The following RAB8A variants were observed in gnomAD, a reference collection of about 807,000 sequenced individuals.
The protein encoded by RAB8A is ras-related protein Rab-8A.
A neutral mutation model predicts 29.2 loss-of-function variants in RAB8A; 5 were observed. That is an observed-to-expected ratio of 0.17 (90% CI 0.09 to 0.36). RAB8A has a LOEUF of 0.36. Among genes scored for constraint, RAB8A ranks in the 10% least tolerant of loss-of-function variants. The pLI is 1.00. For synonymous variants in RAB8A, 108 were observed against 99.9 expected, an observed-to-expected ratio of 1.08 and a Z score of -0.49; for missense variants, 171 against 272.2, an observed-to-expected ratio of 0.63 and a Z score of 2.62.
intron 3 of RAB8A, among the ~76,000 whole-genome samples, chr19:16,123,322 A>C (rs947739661): frequency 1.3e-5 from 2 of 152,202 alleles, no homozygotes; most frequent in African/African-American, 4.8e-5. Flanking sequence ...AACATTGAAA[A>C]TCCAGCCAGG....
At chr19:16,129,942 C>T (rs1205928245) in intron 7 of RAB8A, among the ~76,000 whole-genome samples, 1 of 152,100 alleles carries the variant, frequency 6.6e-6, no homozygotes, top group African/African-American at 2.4e-5. Context: ...CTTCCTAGGT[C>T]GCTTGGGCAG....
intron 1 of RAB8A, among the ~76,000 whole-genome samples, chr19:16,117,831 A>G (rs1051948982): frequency 5.9e-5 from 9 of 152,134 alleles, no homozygotes; most frequent in Non-Finnish European, 1.3e-4. Flanking sequence ...GCATTGACGC[A>G]TGGTGGGGCC....
chr19:16,127,916 C>G lies in RAB8A; in HGVS notation c.415-110C>G. 9.1e-7 allele frequency: 1 copy of G among 1,093,220 alleles called. No homozygotes were observed. The highest frequency in any genetic ancestry group is 1.8e-5 in the Admixed American group (1 of 56,336). 67.7% of individuals were successfully genotyped at this position (1,093,220 alleles called of 1,614,324 possible). A position where few individuals can be genotyped will look rare whatever the true frequency, so the allele number is the denominator to read the frequency against. The stretch of plus-strand genomic sequence containing the variant: ...AGGAAGTCACGCCCACAGCCCCAGC[C>G]CTGTTGCTGCTCCCTCTTGGCGCCG... On this transcript the variant is annotated intron_variant, in intron 5 of 7. Transcript: ENST00000300935. The surrounding 1 kb of genome is among the most constrained non-coding windows in gnomAD (Gnocchi z 4.8).
chr19:16,129,190 G>A (rs61630159), intron 6 of RAB8A, among the ~76,000 whole-genome samples: 24,166 of 152,190 alleles, frequency 0.16, 2,064 homozygotes, highest in Non-Finnish European at 0.19. Context: ...GTTAACTGCT[G>A]GGTTCCTTTG....
intron 7 of RAB8A, among the ~76,000 whole-genome samples, chr19:16,130,466 G>A (rs1184453335): frequency 2.0e-5 from 3 of 152,192 alleles, no homozygotes; most frequent in African/African-American, 7.2e-5. Flanking sequence ...ATTCTAAGAT[G>A]CGGTGTGTTG....
intron 6 of RAB8A, among the ~76,000 whole-genome samples, chr19:16,128,363 G>A (rs557170913): frequency 2.0e-5 from 3 of 152,168 alleles, no homozygotes; most frequent in African/African-American, 7.2e-5. Flanking sequence ...GAATAGGCAC[G>A]GTTTTACAGG....
chr19:16,120,152 G>C (rs1456947458), intron 2 of RAB8A, among the ~76,000 whole-genome samples: 1 of 151,940 alleles, frequency 6.6e-6, no homozygotes, highest in Non-Finnish European at 1.5e-5. Flanking sequence ...CCTGCTGCTG[G>C]TGTCAGAAAG....
Position 16,132,383 on chromosome 19 carries a change from C to A in RAB8A, c.*79C>A. 2 of 1,441,438 alleles carry A rather than the reference C, an allele frequency of 1.4e-6. No individual in the cohort carries two copies. Among genetic ancestry groups the A allele is most frequent in the Non-Finnish European group, 1.9e-6 (2 of 1,046,690 alleles). 89.3% of individuals were successfully genotyped at this position (1,441,438 alleles called of 1,614,324 possible). A position where few individuals can be genotyped will look rare whatever the true frequency, so the allele number is the denominator to read the frequency against. ...GAGTGAGCCCCTCACTCAGCCGGGG[C>A]CCTCCCACCTCCAACGCCCCGCCCA... is the stretch of plus-strand genomic sequence containing the variant. On this transcript the variant is annotated 3_prime_UTR_variant, in exon 8 of 8. Coordinates refer to ENST00000300935, the MANE Select transcript of RAB8A (RefSeq NM_005370.5). The surrounding 1 kb of genome is among the most constrained non-coding windows in gnomAD (Gnocchi z 5.6).
intron 1 of RAB8A, among the ~76,000 whole-genome samples, chr19:16,115,574 G>A (rs2090842760): frequency 1.3e-5 from 2 of 152,150 alleles, no homozygotes; most frequent in Non-Finnish European, 2.9e-5. Flanking sequence ...AAAGTGCTTT[G>A]TGAACCGCTC....
At chr19:16,129,705 G>A in intron 7 of RAB8A, 101 bp downstream of exon 7, 2 of 1,179,530 alleles carry the variant, frequency 1.7e-6, no homozygotes, top group Non-Finnish European at 2.5e-6. Flanking sequence ...GCTTTTTAGG[G>A]CCCAGCCAGA....
At position 16,122,394 on chromosome 19, in the gene RAB8A, C is replaced by T. The variant is rs551708773; in HGVS notation, c.246+584C>T. On this transcript the variant is annotated intron_variant, in intron 3 of 7. Coordinates refer to ENST00000300935, the MANE Select transcript of RAB8A (RefSeq NM_005370.5). The surrounding 1 kb of genome is among the most constrained non-coding windows in gnomAD (Gnocchi z 4.7). ...GGGGCCCTGTGTGTACATGGCAGGG[C>T]ATTCAGGGGTAGAGGGAGCAGGAGG... Among the ~76,000 whole-genome samples the T allele has an allele frequency of 3.9e-5, 6 of 152,294 alleles. No individual in the cohort carries two copies. Among genetic ancestry groups the T allele is most frequent in the East Asian group, 1.9e-4 (1 of 5,188 alleles).
rs371633295 is a variant in RAB8A at position 16,132,192 on chromosome 19, A to C, written c.532-20A>C. 1,305 of 1,587,806 alleles carry C rather than the reference A, an allele frequency of 8.2e-4. 21 individuals carry two copies. The South Asian group carries it at 0.014, about 17-fold the overall frequency. ...TGCTGATTCTCAGTGATAACCTCAG[A>C]AAACCTCTTGTGATTTCAGGAAGGC... On this transcript the variant is annotated intron_variant, in intron 7 of 7. Coordinates refer to ENST00000300935, the MANE Select transcript of RAB8A (RefSeq NM_005370.5). This position sits in a 1 kb window ranked among gnomAD's most constrained non-coding sequence, Gnocchi z 5.6.
At chr19:16,129,631 C>T (rs753620769) in intron 7 of RAB8A, 27 bp downstream of exon 7, 20 of 1,610,846 alleles carry the variant, frequency 1.2e-5, no homozygotes, top group East Asian at 2.2e-5. Context: ...CCGAGATCCC[C>T]GGGTGGATCT....
At position 16,121,759 on chromosome 19, in the gene RAB8A, C is replaced by G. The variant is rs149024078; in HGVS notation, c.195C>G (p.Ala65=). 1 of 1,613,846 alleles carries G rather than the reference C, an allele frequency of 6.2e-7. No individual in the cohort carries two copies. Among genetic ancestry groups the G allele is most frequent in the East Asian group, 2.2e-5 (1 of 44,888 alleles). Residue 65 remains alanine, a synonymous_variant, in exon 3 of 8, where the codon GCC becomes GCG. Coordinates refer to ENST00000300935, the MANE Select transcript of RAB8A (RefSeq NM_005370.5). ...KRIKLQIWDT[A]GQERFRTITT... The stretch of plus-strand genomic sequence containing the variant: ...TTCTCTTCATGTTTAGGGACACAGC[C>G]GGTCAGGAACGGTTTCGGACGATCA...
chr19:16,125,196 C>T lies in RAB8A; in HGVS notation c.247-274C>T, dbSNP rs115691500. The T allele has an allele frequency of 8.7e-4, 464 of 531,130 alleles. 1 individual carries two copies. Among genetic ancestry groups the T allele is most frequent in the African/African-American group, 8.2e-3 (430 of 52,616 alleles). The allele number at this position is 531,130 out of a possible 1,614,324, so 32.9% of individuals were successfully genotyped here. The stretch of plus-strand genomic sequence containing the variant: ...AGCCAGCCGGGCTTGTCAGCGAGTG[C>T]GTGGCAGGGGCTGGCCTGTGAGGCA... On this transcript the variant is annotated intron_variant, in intron 3 of 7. Transcript: ENST00000300935. The surrounding 1 kb of genome is among the most constrained non-coding windows in gnomAD (Gnocchi z 5.0).
At chr19:16,121,423 C>T (rs2090874983) in intron 2 of RAB8A, among the ~76,000 whole-genome samples, 2 of 152,144 alleles carry the variant, frequency 1.3e-5, no homozygotes, top group Non-Finnish European at 2.9e-5. Flanking sequence ...CCCTCAACAG[C>T]AAGAGCTATG....
intron 2 of RAB8A, 58 bp downstream of exon 2, chr19:16,118,344 C>T (rs892918334): frequency 6.6e-7 from 1 of 1,509,812 alleles, no homozygotes; most frequent in Non-Finnish European, 9.2e-7. Flanking sequence ...AAGCCAGAAG[C>T]CCTTGGCCTT....
intron 1 of RAB8A, chr19:16,112,655 G>C (rs974121678): frequency 6.4e-6 from 1 of 155,272 alleles, no homozygotes; most frequent in Non-Finnish European, 1.4e-5. Context: ...CTCTCCTAGA[G>C]AGATGCCACT....
At position 16,122,078 on chromosome 19, in the gene RAB8A, C is replaced by T. The variant is rs1036894777; in HGVS notation, c.246+268C>T. ...GGGAATGAAGAAAGACACAGGAAGC[C>T]GGTTCTTCCAGGTGAGCTCAGTGCA... On this transcript the variant is annotated intron_variant, in intron 3 of 7. Transcript: ENST00000300935. The surrounding 1 kb of genome is among the most constrained non-coding windows in gnomAD (Gnocchi z 4.7). The T allele has an allele frequency of 7.6e-6, 3 of 394,424 alleles. No individual in the cohort carries two copies. The highest frequency in any genetic ancestry group is 2.0e-5 in the African/African-American group (1 of 50,028). The allele number at this position is 394,424 out of a possible 1,614,324, so 24.4% of individuals were successfully genotyped here.
Sources: allele counts gnomAD v4.1 joint callset (sites outside exome capture counted in the v4.1 genomes callset), GRCh38; gene constraint gnomAD v4.1.1; non-coding constraint Gnocchi (gnomAD v3.1); transcripts MANE v1.5; gene names NCBI Gene and HGNC (gene_info 2026-07-23, HGNC 2026-07-21).